The following TBCEL variants were observed in gnomAD, a reference collection of about 807,000 sequenced individuals.
TBCEL encodes the protein tubulin folding cofactor E like.
Under a neutral mutation model 44.2 loss-of-function variants are expected in TBCEL, and 15 were observed. The observed-to-expected ratio is 0.34, with a 90% CI of 0.23 to 0.52. The LOEUF is 0.52. TBCEL is among the 20% of genes least tolerant of loss of function. The pLI, the probability that TBCEL is intolerant of heterozygous loss-of-function variation, is 0.95. For missense variants in TBCEL, 319 were observed against 506.3 expected, an observed-to-expected ratio of 0.63 and a Z score of 3.55; for synonymous variants, 171 against 185.4, an observed-to-expected ratio of 0.92 and a Z score of 0.63.
intron 1 of TBCEL, among the ~76,000 whole-genome samples, chr11:121,028,728 T>C (rs1309676791): frequency 6.6e-6 from 1 of 152,144 alleles, no homozygotes; most frequent in African/African-American, 2.4e-5. Context: ...TGAAGAGAGG[T>C]TCCAGATCAG....
intron 2 of TBCEL, among the ~76,000 whole-genome samples, chr11:121,037,309 T>C (rs151278919): frequency 2.1e-3 from 313 of 152,360 alleles, no homozygotes; most frequent in African/African-American, 7.0e-3. Flanking sequence ...ACTATAATTC[T>C]ACAAAATAGT....
chr11:121,044,858 A>G (rs1049902323), intron 2 of TBCEL, among the ~76,000 whole-genome samples: 1 of 152,070 alleles, frequency 6.6e-6, no homozygotes, highest in African/African-American at 2.4e-5. Flanking sequence ...ATTATTTAGG[A>G]TTAGGTCCAG....
At chr11:121,049,409 T>C (rs1428268736) in intron 4 of TBCEL, among the ~76,000 whole-genome samples, 1 of 151,886 alleles carries the variant, frequency 6.6e-6, no homozygotes, top group Non-Finnish European at 1.5e-5. Context: ...TATGCCCTTG[T>C]TAAATCTGGT....
rs781468574 is a variant in TBCEL at position 121,055,152 on chromosome 11, C to T, written c.556C>T (p.Leu186Phe). 4 of 1,611,998 alleles carry T rather than the reference C, an allele frequency of 2.5e-6. No homozygotes were observed. Among genetic ancestry groups the T allele is most frequent in the Non-Finnish European group, 3.4e-6 (4 of 1,178,850 alleles). Residue 186 changes from leucine to phenylalanine, a missense_variant, in exon 6 of 9, where the codon CTC becomes TTC. Leu to Phe is a conservative substitution (Grantham distance 22). Transcript: ENST00000683345. ...LKLLHITDNN[L>F]QDWTEIRKLG... ...GCTACTACATATAACAGACAATAAC[C>T]TCCAAGACTGGACTGAAATACGAAA...
Position 121,047,531 on chromosome 11 carries a change from G to A in TBCEL, c.137G>A (p.Arg46His), listed in dbSNP as rs763954361. 3.1e-6 allele frequency: 5 copies of A among 1,611,698 alleles called. No homozygotes were observed. The highest frequency in any genetic ancestry group is 2.2e-5 in the South Asian group (2 of 90,902). Residue 46 changes from arginine (R) to histidine (H), a missense_variant, in exon 4 of 9, where the codon CGC (arginine) becomes CAC (histidine). Transcript: ENST00000683345. ...ATPQGSPMKD[R>H]LNLPSVLVLN... is the part of the protein sequence containing the mutation. ...TTTTGTGTCTCTCATCATTCAGATC[G>A]CCTCAACCTCCCAAGTGTACTAGTG...
At chr11:121,068,823 G>A (rs1945870711) in intron 8 of TBCEL, among the ~76,000 whole-genome samples, 1 of 151,234 alleles carries the variant, frequency 6.6e-6, no homozygotes, top group African/African-American at 2.4e-5. Context: ...AGAGGCGGAG[G>A]TTGCGGTGAG....
intron 8 of TBCEL, among the ~76,000 whole-genome samples, chr11:121,060,620 A>G (rs995885101): frequency 2.0e-5 from 3 of 151,980 alleles, no homozygotes; most frequent in Non-Finnish European, 4.4e-5. Flanking sequence ...CTTTAAGTAT[A>G]TGAAGAGTTA....
intron 1 of TBCEL, among the ~76,000 whole-genome samples, chr11:121,027,591 C>G (rs117888206): frequency 1.6e-3 from 237 of 152,304 alleles, no homozygotes; most frequent in Admixed American, 2.9e-3. Context: ...AAGGCCTCTG[C>G]TCATGTACCT....
In TBCEL at chr11:121,090,512, CTG is replaced by C. The variant is rs1414621671; in HGVS notation, c.*3420_*3421del. The C allele has an allele frequency of 6.6e-6, 1 of 152,120 alleles. No individual in the cohort carries two copies. Among genetic ancestry groups the C allele is most frequent in the Non-Finnish European group, 1.5e-5 (1 of 68,012 alleles). 9.4% of individuals were successfully genotyped at this position (152,120 alleles called of 1,614,324 possible). On this transcript the variant is annotated 3_prime_UTR_variant, in exon 9 of 9. Transcript: ENST00000683345. ...GCTCTCAAGAACACCCAGAAGCTAT[CTG>C]TGTTACCAGATGTGTTGTGAACACT...
At chr11:121,061,482 T>G (rs1945720761) in intron 8 of TBCEL, among the ~76,000 whole-genome samples, 1 of 151,992 alleles carries the variant, frequency 6.6e-6, no homozygotes, top group South Asian at 2.1e-4. Flanking sequence ...AAATTTATCA[T>G]TAGGTGATTT....
At chr11:121,033,946 A>T (rs1284589924) in intron 1 of TBCEL, among the ~76,000 whole-genome samples, 1 of 151,490 alleles carries the variant, frequency 6.6e-6, no homozygotes. Context: ...TTCAAGGTTT[A>T]TATATGTTGT....
chr11:121,088,074 A>C lies in TBCEL; in HGVS notation c.*978A>C, dbSNP rs1307900621. The C allele has an allele frequency of 2.0e-5, 3 of 152,326 alleles. No individual in the cohort carries two copies. The highest frequency in any genetic ancestry group is 2.1e-4 in the South Asian group (1 of 4,824). The allele number at this position is 152,326 out of a possible 1,614,324, so 9.4% of individuals were successfully genotyped here. A position where few individuals can be genotyped will look rare whatever the true frequency, so the allele number is the denominator to read the frequency against. Reference sequence around the variant, plus strand: ...CCAGGAGAGTTGAGAATTAGCTCATAAACTATCTGTGGTGTGTGTGGGGAA... The same window carrying C: ...CCAGGAGAGTTGAGAATTAGCTCATCAACTATCTGTGGTGTGTGTGGGGAA... On this transcript the variant is annotated 3_prime_UTR_variant, in exon 9 of 9. Coordinates refer to ENST00000683345, the MANE Select transcript of TBCEL (RefSeq NM_001363644.2).
chr11:121,061,731 T>C (rs779999922), intron 8 of TBCEL, among the ~76,000 whole-genome samples: 3 of 152,102 alleles, frequency 2.0e-5, no homozygotes, highest in Non-Finnish European at 4.4e-5. Context: ...CTAGGGTACT[T>C]ACCACGAAAA....
chr11:121,085,362 T>C (rs1340760083), intron 8 of TBCEL, among the ~76,000 whole-genome samples: 1 of 152,184 alleles, frequency 6.6e-6, no homozygotes, highest in Non-Finnish European at 1.5e-5. Flanking sequence ...AATGGTTGTG[T>C]GTGCTTTAAA....
intron 2 of TBCEL, among the ~76,000 whole-genome samples, chr11:121,040,383 TTGGTACACCCCATAG>T (rs2134904100): frequency 6.6e-6 from 1 of 152,290 alleles, no homozygotes; most frequent in African/African-American, 2.4e-5. Flanking sequence ...TTCCAGCCCT[TTGGTACACCCCATAG>T]TGGAGCTTTA....
chr11:121,082,013 G>C (rs895895041), intron 8 of TBCEL, among the ~76,000 whole-genome samples: 4 of 152,218 alleles, frequency 2.6e-5, no homozygotes, highest in African/African-American at 7.2e-5. Context: ...AAAGGAAGGT[G>C]CAGAAAATGG....
chr11:121,026,293 T>G (rs1945045527), intron 1 of TBCEL, among the ~76,000 whole-genome samples: 1 of 152,238 alleles, frequency 6.6e-6, no homozygotes, highest in Non-Finnish European at 1.5e-5. Context: ...AGAAAAATAG[T>G]ATTAATTCAT....
intron 8 of TBCEL, among the ~76,000 whole-genome samples, chr11:121,063,268 T>C (rs996382745): frequency 3.3e-5 from 5 of 152,012 alleles, no homozygotes; most frequent in African/African-American, 1.2e-4. Flanking sequence ...ATAGGAACAA[T>C]TCAGAAAAAA....
At position 121,088,895 on chromosome 11, in the gene TBCEL, C is replaced by T. The variant is rs988974519; in HGVS notation, c.*1799C>T. On this transcript the variant is annotated 3_prime_UTR_variant, in exon 9 of 9. Transcript: ENST00000683345. The stretch of plus-strand genomic sequence containing the variant: ...AAGACGAATAAGGCCTATTCTCCTT[C>T]TGCTGCAGACTTTATCTTTCAAAAT... The T allele has an allele frequency of 6.6e-6, 1 of 152,208 alleles. No homozygotes were observed. The highest frequency in any genetic ancestry group is 3.2e-3 in the Middle Eastern group (1 of 316). The allele number at this position is 152,208 out of a possible 1,614,324, so 9.4% of individuals were successfully genotyped here.
Sources: allele counts gnomAD v4.1 joint callset (sites outside exome capture counted in the v4.1 genomes callset), GRCh38; gene constraint gnomAD v4.1.1; transcripts MANE v1.5; gene names NCBI Gene and HGNC (gene_info 2026-07-23, HGNC 2026-07-21).